Variants in EHBP1 observed in about 807,000 individuals in gnomAD.
EHBP1 encodes the protein EH domain binding protein 1, also known as EH domain-binding protein 1.
In EHBP1, 55 loss-of-function variants were observed where a neutral mutation model predicts 144.0. That is an observed-to-expected ratio of 0.38 (90% CI 0.31 to 0.48). EHBP1 has a LOEUF of 0.48. Ranked by LOEUF, EHBP1 falls within the 20% of genes least tolerant of loss-of-function variation. The pLI, the probability that EHBP1 is intolerant of heterozygous loss-of-function variation, is 0.98. For synonymous variants in EHBP1, 469 were observed against 472.7 expected (o/e 0.99, Z 0.10); for missense variants, 1,200 against 1,364.2 (o/e 0.88, Z 1.90).
chr2:62,692,188 T>C (rs2033929495), intron 1 of EHBP1, among the ~76,000 whole-genome samples: 1 of 152,236 alleles, frequency 6.6e-6, no homozygotes, highest in East Asian at 1.9e-4. Context: ...GGTTCATCCA[T>C]GTTATAGCGT....
At chr2:63,011,317 A>G (rs974701320) in intron 19 of EHBP1, among the ~76,000 whole-genome samples, 1 of 151,894 alleles carries the variant, frequency 6.6e-6, no homozygotes, top group Non-Finnish European at 1.5e-5. Flanking sequence ...GAACCTAAAC[A>G]CCAGTATAAT....
At chr2:62,733,378 G>T (rs1449274116) in intron 2 of EHBP1, among the ~76,000 whole-genome samples, 1 of 152,036 alleles carries the variant, frequency 6.6e-6, no homozygotes, top group Non-Finnish European at 1.5e-5. Context: ...TCCTAACTGA[G>T]GTCTGAGTTG....
intron 14 of EHBP1, among the ~76,000 whole-genome samples, chr2:62,966,043 A>G (rs1411657395): frequency 6.6e-6 from 1 of 152,228 alleles, no homozygotes; most frequent in African/African-American, 2.4e-5. Flanking sequence ...AGTGATATTC[A>G]TATACCACAA....
chr2:62,742,786 G>A (rs1489793316), intron 2 of EHBP1, among the ~76,000 whole-genome samples: 1 of 152,032 alleles, frequency 6.6e-6, no homozygotes, highest in African/African-American at 2.4e-5. Context: ...TAATTTAGTT[G>A]TTTGAGGGCT....
chr2:62,811,547 T>G (rs1446251621), intron 5 of EHBP1, among the ~76,000 whole-genome samples: 2 of 152,242 alleles, frequency 1.3e-5, no homozygotes, highest in Non-Finnish European at 1.5e-5. Context: ...TAATGATTTA[T>G]AGAATAATGC....
At chr2:62,740,217 A>T (rs1205088605) in intron 2 of EHBP1, among the ~76,000 whole-genome samples, 3 of 152,214 alleles carry the variant, frequency 2.0e-5, no homozygotes, top group South Asian at 4.1e-4. Flanking sequence ...CAAAAATATA[A>T]GTAAAAAAAC....
rs201271161 is a variant in EHBP1, at chr2:62,962,803, GTA to G, written c.2460+7145_2460+7146del. Among the ~76,000 whole-genome samples, 635 of 152,308 alleles carry G rather than the reference GTA, an allele frequency of 4.2e-3. 3 individuals carry two copies. Among genetic ancestry groups the G allele is most frequent in the African/African-American group, 0.015 (613 of 41,562 alleles). On this transcript the variant is annotated intron_variant, in intron 14 of 22. Transcript: ENST00000431489. ...TAAGCAGTAATTACGTAGCATAAGA[GTA>G]TGGTTTGCAGATAGTTGTTAGGTAT...
At chr2:62,805,767 T>G (rs1157765522) in intron 5 of EHBP1, among the ~76,000 whole-genome samples, 1 of 152,180 alleles carries the variant, frequency 6.6e-6, no homozygotes, top group African/African-American at 2.4e-5. Context: ...TCTGCCTGCC[T>G]CAGCCTCCCA....
chr2:62,709,802 A>C (rs1572910123), intron 2 of EHBP1, among the ~76,000 whole-genome samples: 1 of 152,212 alleles, frequency 6.6e-6, no homozygotes, highest in East Asian at 1.9e-4. Context: ...TCTAGAACTT[A>C]CATCTAGAAC....
At chr2:62,719,129 C>G (rs1471040504) in intron 2 of EHBP1, among the ~76,000 whole-genome samples, 1 of 151,816 alleles carries the variant, frequency 6.6e-6, no homozygotes, top group Admixed American at 6.6e-5. Flanking sequence ...CCACGCCCGG[C>G]TAATTTTTTG....
At chr2:62,920,538 G>T (rs1328443234) in intron 10 of EHBP1, among the ~76,000 whole-genome samples, 1 of 152,114 alleles carries the variant, frequency 6.6e-6, no homozygotes, top group Non-Finnish European at 1.5e-5. Flanking sequence ...AAATAATAAA[G>T]ATCCCAGAAA....
chr2:62,824,056 A>G (rs1312092031), intron 5 of EHBP1, among the ~76,000 whole-genome samples: 2 of 151,996 alleles, frequency 1.3e-5, no homozygotes, highest in Non-Finnish European at 2.9e-5. Context: ...TAAAAAACAC[A>G]TTTTTGTTTG....
intron 5 of EHBP1, among the ~76,000 whole-genome samples, chr2:62,800,834 T>G (rs2043927477): frequency 6.6e-6 from 1 of 152,210 alleles, no homozygotes; most frequent in Non-Finnish European, 1.5e-5. Context: ...ACTTTCATTT[T>G]GGGCATACCA....
At chr2:62,905,659 T>C (rs546038152) in intron 10 of EHBP1, among the ~76,000 whole-genome samples, 2 of 151,896 alleles carry the variant, frequency 1.3e-5, no homozygotes, top group African/African-American at 4.8e-5. Flanking sequence ...ACCCCATCTC[T>C]ACAAAAATAC....
chr2:62,925,779 C>T (rs2153022838), intron 10 of EHBP1, among the ~76,000 whole-genome samples: 1 of 152,220 alleles, frequency 6.6e-6, no homozygotes, highest in African/African-American at 2.4e-5. Context: ...AATGGAAAGT[C>T]ATCCCAACCT....
intron 2 of EHBP1, among the ~76,000 whole-genome samples, chr2:62,738,321 A>G (rs748026791): frequency 6.6e-6 from 1 of 152,192 alleles, no homozygotes; most frequent in Non-Finnish European, 1.5e-5. Context: ...AAACATAGTT[A>G]GCAGCTGAGC....
chr2:62,805,218 A>G (rs578262517), intron 5 of EHBP1, among the ~76,000 whole-genome samples: 13 of 152,298 alleles, frequency 8.5e-5, no homozygotes, highest in African/African-American at 3.1e-4. Context: ...GTCCAAAAAT[A>G]TGGGATTAGT....
intron 13 of EHBP1, among the ~76,000 whole-genome samples, chr2:62,951,349 C>A (rs2057371264): frequency 6.6e-6 from 1 of 151,814 alleles, no homozygotes; most frequent in African/African-American, 2.4e-5. Flanking sequence ...CAAAGCAAGC[C>A]CCTGTTCTCC....
At chr2:62,982,357 A>G (rs2059008592) in intron 15 of EHBP1, among the ~76,000 whole-genome samples, 1 of 152,138 alleles carries the variant, frequency 6.6e-6, no homozygotes, top group African/African-American at 2.4e-5. Flanking sequence ...CAATATATGA[A>G]TGAATGAGCC....
Sources: allele counts gnomAD v4.1 joint callset (sites outside exome capture counted in the v4.1 genomes callset), GRCh38; gene constraint gnomAD v4.1.1; transcripts MANE v1.5; gene names NCBI Gene and HGNC (gene_info 2026-07-23, HGNC 2026-07-21).